MRGPRE: variants seen among roughly 807,000 people sequenced by gnomAD.
The protein encoded by MRGPRE is MAS related GPR family member E.
For missense variants in MRGPRE, 466 were observed against 433.4 expected (o/e 1.08, Z -0.67); for synonymous variants, 229 against 206.7 (o/e 1.11, Z -0.92).
chr11:3,227,761 T>G lies in MRGPRE; in HGVS notation c.*100A>C. ...CATGACCGGGTCACCCACCAAGGCCTCCTCCAGGTCCGGCTGGCCCCAGCC... is the reference window on the plus strand; with the variant it reads ...CATGACCGGGTCACCCACCAAGGCCGCCTCCAGGTCCGGCTGGCCCCAGCC... On this transcript the variant is annotated 3_prime_UTR_variant, in exon 2 of 2. Coordinates refer to ENST00000389832, the MANE Select transcript of MRGPRE (RefSeq NM_001039165.4). 1 of 971,904 alleles carries G rather than the reference T, an allele frequency of 1.0e-6. No individual in the cohort carries two copies. Among genetic ancestry groups the G allele is most frequent in the Admixed American group, 3.0e-5 (1 of 33,044 alleles). The allele number at this position is 971,904 out of a possible 1,614,324, so 60.2% of individuals were successfully genotyped here.
rs1453796707 is a variant in MRGPRE at position 3,227,904 on chromosome 11, AC to A, written c.895del (p.Val299SerfsTer12). On this transcript the variant is annotated frameshift_variant, in exon 2 of 2. Coordinates refer to ENST00000389832, the MANE Select transcript of MRGPRE (RefSeq NM_001039165.4). LOFTEE classifies it low-confidence loss of function (END_TRUNC). ...CAGGCCCCGGCGGGAGGTCTCCCTG[AC>A]GGCCCCCAGCTCAGCCTCGTCTCCC... is the stretch of plus-strand genomic sequence containing the variant. Reference protein sequence around the residue: ...ALGDEAELGAVRETSRRGLVD... With the variant: ...ALGDEAELGAXRETSRRGLVD... 2 of 1,475,856 alleles carry A rather than the reference AC, an allele frequency of 1.4e-6. No individual in the cohort carries two copies. The highest frequency in any genetic ancestry group is 1.8e-6 in the Non-Finnish European group (2 of 1,110,366). 91.4% of individuals were successfully genotyped at this position (1,475,856 alleles called of 1,614,324 possible).
rs1378230094 is a variant in MRGPRE at position 3,230,798 on chromosome 11, C to T, written c.-62+1343G>A. Reference sequence around the variant, plus strand: ...CTGTGCTCCATCCTAGCACCCAAGGCCCCGGGAAGGCAGACCATGGGTGGG... The same window carrying T: ...CTGTGCTCCATCCTAGCACCCAAGGTCCCGGGAAGGCAGACCATGGGTGGG... On this transcript the variant is annotated intron_variant, in intron 1 of 1. Coordinates refer to ENST00000389832, the MANE Select transcript of MRGPRE (RefSeq NM_001039165.4). This position sits in a 1 kb window ranked among gnomAD's most constrained non-coding sequence, Gnocchi z 5.5. 6.6e-6 allele frequency among the ~76,000 whole-genome samples: 1 copy of T among 152,148 alleles called. No homozygotes were observed. Among genetic ancestry groups the T allele is most frequent in the African/African-American group, 2.4e-5 (1 of 41,424 alleles).
rs369200596 is a variant in MRGPRE, at chr11:3,228,560, G to T, written c.240C>A (p.Ile80=). 7 of 1,613,582 alleles carry T rather than the reference G, an allele frequency of 4.3e-6. No individual in the cohort carries two copies. The highest frequency in any genetic ancestry group is 1.3e-5 in the African/African-American group (1 of 75,060). ...LIFLGCHMVA[I]VPDLLQGRLD... ...GCCGGCCTTGCAGCAAGTCGGGGAC[G>T]ATGGCCACCATGTGGCAGCCAAGGA... Residue 80 remains isoleucine (I), a synonymous_variant, in exon 2 of 2, where the codon ATC becomes ATA. Transcript: ENST00000389832.
rs1847822237 is a variant in MRGPRE, at chr11:3,230,919, G to C, written c.-62+1222C>G. ...CGGGGCATCACTGCCATGGCAGGTG[G>C]GGAGATGTGGGGAGGGGGACAGATG... On this transcript the variant is annotated intron_variant, in intron 1 of 1. Coordinates refer to ENST00000389832, the MANE Select transcript of MRGPRE (RefSeq NM_001039165.4). This position sits in a 1 kb window ranked among gnomAD's most constrained non-coding sequence, Gnocchi z 5.5. Among the ~76,000 whole-genome samples, 1 of 152,072 alleles carries C rather than the reference G, an allele frequency of 6.6e-6. No homozygotes were observed. The highest frequency in any genetic ancestry group is 1.5e-5 in the Non-Finnish European group (1 of 68,000).
Position 3,230,489 on chromosome 11 carries a change from C to T in MRGPRE, c.-61-1629G>A, listed in dbSNP as rs922183593. Among the ~76,000 whole-genome samples the T allele has an allele frequency of 2.0e-5, 3 of 152,064 alleles. No individual in the cohort carries two copies. Among genetic ancestry groups the T allele is most frequent in the Non-Finnish European group, 2.9e-5 (2 of 68,004 alleles). ...GCTGGGATGCTGGGGAGAGGTGGCC[C>T]GGGGCGGGGCTATCGCTGAGCACAG... On this transcript the variant is annotated intron_variant, in intron 1 of 1. Coordinates refer to ENST00000389832, the MANE Select transcript of MRGPRE (RefSeq NM_001039165.4). This position sits in a 1 kb window ranked among gnomAD's most constrained non-coding sequence, Gnocchi z 5.5.
Position 3,230,243 on chromosome 11 carries a change from G to A in MRGPRE, c.-61-1383C>T, listed in dbSNP as rs1847814921. ...CTTGCCTCTCCCCAGAGACTGGCTG[G>A]GGTCAGGGGCCGACACCAGGTGCCC... On this transcript the variant is annotated intron_variant, in intron 1 of 1. Transcript: ENST00000389832. The surrounding 1 kb of genome is among the most constrained non-coding windows in gnomAD (Gnocchi z 5.5). 6.6e-6 allele frequency among the ~76,000 whole-genome samples: 1 copy of A among 152,048 alleles called. No individual in the cohort carries two copies. The highest frequency in any genetic ancestry group is 2.4e-5 in the African/African-American group (1 of 41,398).
At position 3,231,244 on chromosome 11, in the gene MRGPRE, G is replaced by A. The variant is rs146189988; in HGVS notation, c.-62+897C>T. On this transcript the variant is annotated intron_variant, in intron 1 of 1. Transcript: ENST00000389832. This position sits in a 1 kb window ranked among gnomAD's most constrained non-coding sequence, Gnocchi z 4.7. ...GGGCCCCAGGGAGAGAGCATGGCAG[G>A]GAAGCGATGGACATAGAGGGAGAGG... 9.3e-4 allele frequency among the ~76,000 whole-genome samples: 141 copies of A among 152,210 alleles called. 1 individual carries two copies. Among genetic ancestry groups the A allele is most frequent in the African/African-American group, 3.3e-3 (136 of 41,528 alleles).
rs1015464217 is a variant in MRGPRE, at chr11:3,230,157, G to T, written c.-61-1297C>A. Among the ~76,000 whole-genome samples the T allele has an allele frequency of 6.6e-6, 1 of 152,112 alleles. No homozygotes were observed. Among genetic ancestry groups the T allele is most frequent in the Non-Finnish European group, 1.5e-5 (1 of 68,018 alleles). On this transcript the variant is annotated intron_variant, in intron 1 of 1. Transcript: ENST00000389832. The surrounding 1 kb of genome is among the most constrained non-coding windows in gnomAD (Gnocchi z 5.5). ...CCTGTGGTTACCTGGCCCGTCATGTGTCTCTGAGTGCTTGGTGACCCCAGC... is the reference window on the plus strand; with the variant it reads ...CCTGTGGTTACCTGGCCCGTCATGTTTCTCTGAGTGCTTGGTGACCCCAGC...
chr11:3,228,060 G>A lies in MRGPRE; in HGVS notation c.740C>T (p.Pro247Leu), dbSNP rs372207608. Residue 247 changes from proline (P) to leucine (L), a missense_variant, in exon 2 of 2, where the codon CCC (proline) becomes CTC (leucine). By Grantham distance (98) the Pro-to-Leu change is moderately conservative. Transcript: ENST00000389832. ...GAAGCTGAAGTGGTAGAAGTAGTGGGGGATGTACCAGAGCAGGTTCCGGGA... is the reference window on the plus strand; with the variant it reads ...GAAGCTGAAGTGGTAGAAGTAGTGGAGGATGTACCAGAGCAGGTTCCGGGA... ...WLSRNLLWYI[P>L]HYFYHFSFLM... 6.2e-6 allele frequency: 10 copies of A among 1,608,658 alleles called. 1 individual carries two copies. Among genetic ancestry groups the A allele is most frequent in the Middle Eastern group, 1.6e-4 (1 of 6,082 alleles).
rs1847809980 is a variant in MRGPRE at position 3,229,798 on chromosome 11, G to A, written c.-61-938C>T. On this transcript the variant is annotated intron_variant, in intron 1 of 1. Transcript: ENST00000389832. The surrounding 1 kb of genome is among the most constrained non-coding windows in gnomAD (Gnocchi z 4.4). ...GGACTCCAGCCCTCTGCAGGGTAGG[G>A]GGCACATGAGGAGGCTGCATCCTGC... Among the ~76,000 whole-genome samples, 1 of 152,210 alleles carries A rather than the reference G, an allele frequency of 6.6e-6. No homozygotes were observed. Among genetic ancestry groups the A allele is most frequent in the Non-Finnish European group, 1.5e-5 (1 of 68,026 alleles).
Position 3,230,734 on chromosome 11 carries a change from T to C in MRGPRE, c.-62+1407A>G, listed in dbSNP as rs1399268712. On this transcript the variant is annotated intron_variant, in intron 1 of 1. Coordinates refer to ENST00000389832, the MANE Select transcript of MRGPRE (RefSeq NM_001039165.4). This position sits in a 1 kb window ranked among gnomAD's most constrained non-coding sequence, Gnocchi z 5.5. Reference sequence around the variant, plus strand: ...CAGTCTGAATCTCCTGCGGGTGGAGTCAAGCCTGGTTGGAGATATAGGGCT... The same window carrying C: ...CAGTCTGAATCTCCTGCGGGTGGAGCCAAGCCTGGTTGGAGATATAGGGCT... Among the ~76,000 whole-genome samples the C allele has an allele frequency of 6.6e-6, 1 of 151,326 alleles. No individual in the cohort carries two copies. The highest frequency in any genetic ancestry group is 1.5e-5 in the Non-Finnish European group (1 of 67,850).
At position 3,230,702 on chromosome 11, in the gene MRGPRE, C is replaced by T. The variant is rs374826679; in HGVS notation, c.-62+1439G>A. Among the ~76,000 whole-genome samples the T allele has an allele frequency of 4.5e-4, 68 of 152,188 alleles. 2 individuals carry two copies. Among genetic ancestry groups the T allele is most frequent in the South Asian group, 2.5e-3 (12 of 4,822 alleles). On this transcript the variant is annotated intron_variant, in intron 1 of 1. Coordinates refer to ENST00000389832, the MANE Select transcript of MRGPRE (RefSeq NM_001039165.4). The surrounding 1 kb of genome is among the most constrained non-coding windows in gnomAD (Gnocchi z 5.5). The stretch of plus-strand genomic sequence containing the variant: ...GCACCTCAGGAAGCTGAGTCCTGCC[C>T]GTGGTCCAGTCTGAATCTCCTGCGG...
Position 3,228,448 on chromosome 11 carries a change from TG to T in MRGPRE, c.351del (p.Ser118AlafsTer22), listed in dbSNP as rs1564890655. 1 of 1,611,896 alleles carries T rather than the reference TG, an allele frequency of 6.2e-7. No individual in the cohort carries two copies. The highest frequency in any genetic ancestry group is 2.2e-5 in the East Asian group (1 of 44,860). On this transcript the variant is annotated frameshift_variant, in exon 2 of 2. Transcript: ENST00000389832. LOFTEE classifies it low-confidence loss of function (END_TRUNC). ...AGGGCGGCCAGGCACTGCTCCACGC[TG>T]ACGGCCGCCAGGAGACTCAGGCCCA... The part of the protein sequence containing the change: ...YIVGLSLLAA[V>X]SVEQCLAALF...
rs375630327 is a variant in MRGPRE at position 3,225,734 on chromosome 11, C to T, written c.*2127G>A. ...CCATCAGGCCATATACCTGCTGCCA[C>T]AGCAGCTACTAGAGTGGGGACGAGC... On this transcript the variant is annotated 3_prime_UTR_variant, in exon 2 of 2. Coordinates refer to ENST00000389832, the MANE Select transcript of MRGPRE (RefSeq NM_001039165.4). 6.6e-6 allele frequency among the ~76,000 whole-genome samples: 1 copy of T among 152,248 alleles called. No homozygotes were observed. Among genetic ancestry groups the T allele is most frequent in the Non-Finnish European group, 1.5e-5 (1 of 68,038 alleles).
rs1292138440 is a variant in MRGPRE, at chr11:3,226,596, C to T, written c.*1265G>A. Among the ~76,000 whole-genome samples, 1 of 152,206 alleles carries T rather than the reference C, an allele frequency of 6.6e-6. No homozygotes were observed. Among genetic ancestry groups the T allele is most frequent in the Non-Finnish European group, 1.5e-5 (1 of 68,036 alleles). On this transcript the variant is annotated 3_prime_UTR_variant, in exon 2 of 2. Coordinates refer to ENST00000389832, the MANE Select transcript of MRGPRE (RefSeq NM_001039165.4). Reference sequence around the variant, plus strand: ...GCTGACCAGGGATCTGCGACTCACACCCAGACTCAAGAGGGGCTGGTTCAG... The same window carrying T: ...GCTGACCAGGGATCTGCGACTCACATCCAGACTCAAGAGGGGCTGGTTCAG...
rs932995633 is a variant in MRGPRE at position 3,226,117 on chromosome 11, G to T, written c.*1744C>A. ...CCACATAGCCCCTCGGAGCCTTGGT[G>T]GCTCATCTGCAGAGTGGGAGCACCT... On this transcript the variant is annotated 3_prime_UTR_variant, in exon 2 of 2. Coordinates refer to ENST00000389832, the MANE Select transcript of MRGPRE (RefSeq NM_001039165.4). 2.0e-5 allele frequency: 3 copies of T among 152,182 alleles called. No individual in the cohort carries two copies. The highest frequency in any genetic ancestry group is 4.4e-5 in the Non-Finnish European group (3 of 68,050). 9.4% of individuals were successfully genotyped at this position (152,182 alleles called of 1,614,324 possible).
chr11:3,228,980 GACCCCT>G (rs1227637597), intron 1 of MRGPRE, 120 bp from the exon 2 acceptor site: 25 of 559,760 alleles, frequency 4.5e-5, no homozygotes, highest in Middle Eastern at 4.7e-4. Context: ...TCCAGGAGAA[GACCCCT>G]CTCTCATTTC....
chr11:3,232,056 C>G (rs1245020870), intron 1 of MRGPRE, 85 bp downstream of exon 1: 6 of 152,696 alleles, frequency 3.9e-5, no homozygotes, highest in Admixed American at 3.9e-4. Flanking sequence ...CTGCCACCAT[C>G]TGGCCAGCAA....
chr11:3,228,897 T>A, intron 1 of MRGPRE, 37 bp from the exon 2 acceptor site: 3 of 982,194 alleles, frequency 3.1e-6, no homozygotes, highest in Non-Finnish European at 4.5e-6. Context: ...GGCTCAGGAA[T>A]CCATGCCCCC....
Sources: gnomAD v4.1 joint callset for allele counts (sites outside exome capture counted in the v4.1 genomes callset) on GRCh38, gnomAD v4.1.1 for gene constraint, Gnocchi (gnomAD v3.1) non-coding constraint, MANE v1.5 for transcripts, NCBI Gene and HGNC (gene_info 2026-07-23, HGNC 2026-07-21) for gene names.